NCAM1: variants seen among roughly 807,000 people sequenced by gnomAD.
NCAM1 encodes the protein antigen recognized by monoclonal antibody 5.1H11.
In NCAM1, 14 loss-of-function variants were observed where a neutral mutation model predicts 109.8. The observed-to-expected ratio is 0.13, with a 90% CI of 0.08 to 0.20. The LOEUF (loss-of-function observed/expected upper bound fraction) is 0.20, where lower values mean the gene tolerates loss of function less well. Ranked by LOEUF, NCAM1 falls within the 10% of genes least tolerant of loss-of-function variation. The pLI, the probability that NCAM1 is intolerant of heterozygous loss-of-function variation, is 1.00. For synonymous variants in NCAM1, 418 were observed against 442.9 expected (o/e 0.94, Z 0.70); for missense variants, 774 against 1,109.9 (o/e 0.70, Z 4.30).
chr11:112,983,949 A>G (rs554603829), intron 1 of NCAM1, among the ~76,000 whole-genome samples: 7 of 152,022 alleles, frequency 4.6e-5, no homozygotes, highest in African/African-American at 1.4e-4. Context: ...TTTCCATCAT[A>G]CAATACAACA....
At chr11:113,266,023 G>T (rs956467579) in intron 17 of NCAM1, among the ~76,000 whole-genome samples, 1 of 152,188 alleles carries the variant, frequency 6.6e-6, no homozygotes, top group Admixed American at 6.5e-5. Context: ...TGACCTCGAG[G>T]TTATGGGGAA....
rs1410280367 is a variant in NCAM1 at position 112,963,417 on chromosome 11, C to G, written c.52+1753C>G. 6.6e-6 allele frequency: 1 copy of G among 152,174 alleles called. No homozygotes were observed. The highest frequency in any genetic ancestry group is 1.9e-4 in the East Asian group (1 of 5,166). 9.4% of individuals were successfully genotyped at this position (152,174 alleles called of 1,614,324 possible). On this transcript the variant is annotated intron_variant, in intron 1 of 19. Coordinates refer to ENST00000316851, the MANE Select transcript of NCAM1 (RefSeq NM_181351.5). The surrounding 1 kb of genome is among the most constrained non-coding windows in gnomAD (Gnocchi z 4.6). ...CCGCGGAATCCGGGCCTGAGCGCGT[C>G]GCCGGGGAGGGCATCCTGGCAGGCA...
chr11:113,214,522 C>T lies in NCAM1; in HGVS notation c.1059+11C>T, dbSNP rs686050. ...AGCAGCGAAGAAAAGGTATCATGCT[C>T]CCCAGGAGTTTCAGGGCCTTGGAAT... is the stretch of plus-strand genomic sequence containing the variant. On this transcript the variant is annotated intron_variant, in intron 8 of 19. Coordinates refer to ENST00000316851, the MANE Select transcript of NCAM1 (RefSeq NM_181351.5). The T allele has an allele frequency of 1.9e-6, 3 of 1,593,136 alleles. 1 individual carries two copies. The highest frequency in any genetic ancestry group is 2.7e-5 in the African/African-American group (2 of 74,356).
intron 14 of NCAM1, among the ~76,000 whole-genome samples, chr11:113,238,266 T>C (rs1283367876): frequency 2.0e-5 from 3 of 152,124 alleles, no homozygotes; most frequent in Admixed American, 6.5e-5. Context: ...AAAGTTAAGG[T>C]CTGAAGAATC....
At chr11:113,165,293 A>G (rs1302491773) in intron 1 of NCAM1, among the ~76,000 whole-genome samples, 1 of 152,202 alleles carries the variant, frequency 6.6e-6, no homozygotes, top group East Asian at 1.9e-4. Flanking sequence ...AATTTGGAAA[A>G]GGCCAATCGC....
chr11:112,977,742 A>G (rs1413982704), intron 1 of NCAM1, among the ~76,000 whole-genome samples: 3 of 151,902 alleles, frequency 2.0e-5, no homozygotes, highest in African/African-American at 2.4e-5. Flanking sequence ...AACAGTGGAA[A>G]TAATTGTAGA....
At chr11:113,169,455 C>T (rs1170450583) in intron 1 of NCAM1, among the ~76,000 whole-genome samples, 1 of 152,162 alleles carries the variant, frequency 6.6e-6, no homozygotes, top group East Asian at 1.9e-4. Context: ...ATAGTTCAAG[C>T]TGTACCTCAC....
chr11:113,203,223 G>C (rs183960024), intron 2 of NCAM1, among the ~76,000 whole-genome samples: 1 of 152,220 alleles, frequency 6.6e-6, no homozygotes, highest in Admixed American at 6.5e-5. Flanking sequence ...TGGCAGGGAG[G>C]GGCCTTTAAA....
At chr11:113,266,107 A>G (rs1234004611) in intron 17 of NCAM1, among the ~76,000 whole-genome samples, 1 of 152,220 alleles carries the variant, frequency 6.6e-6, no homozygotes, top group Non-Finnish European at 1.5e-5. Context: ...AGGGAAGACC[A>G]TAGCAAAGAC....
At chr11:113,044,751 T>C (rs1029762865) in intron 1 of NCAM1, among the ~76,000 whole-genome samples, 1 of 151,824 alleles carries the variant, frequency 6.6e-6, no homozygotes, top group Admixed American at 6.5e-5. Context: ...TGAGCTTTTT[T>C]TACTTTTATT....
chr11:113,263,230 G>T, intron 17 of NCAM1: 1 of 1,070,874 alleles, frequency 9.3e-7, no homozygotes. Context: ...AGAAGTTTCT[G>T]CATATCTGCT....
intron 1 of NCAM1, among the ~76,000 whole-genome samples, chr11:113,164,046 T>G (rs767009040): frequency 2.6e-4 from 40 of 152,080 alleles, no homozygotes; most frequent in Non-Finnish European, 5.3e-4. Context: ...GCATCCTCCC[T>G]CCCCTTGTGC....
intron 1 of NCAM1, among the ~76,000 whole-genome samples, chr11:113,189,277 C>A (rs1228769233): frequency 6.6e-6 from 1 of 151,758 alleles, no homozygotes; most frequent in East Asian, 1.9e-4. Context: ...TGGTGAAACC[C>A]CGTCTGTACT....
intron 9 of NCAM1, among the ~76,000 whole-genome samples, chr11:113,224,877 C>G (rs1313820046): frequency 6.6e-6 from 1 of 152,238 alleles, no homozygotes; most frequent in Non-Finnish European, 1.5e-5. Flanking sequence ...AGGGTCCTGA[C>G]TGTTAGAAGG....
intron 1 of NCAM1, among the ~76,000 whole-genome samples, chr11:113,130,001 C>A (rs569748288): frequency 6.6e-6 from 1 of 152,122 alleles, no homozygotes; most frequent in East Asian, 1.9e-4. Context: ...GCACTTATGG[C>A]CCTCTGGATG....
intron 1 of NCAM1, among the ~76,000 whole-genome samples, chr11:113,061,497 C>T (rs1245096): frequency 0.83 from 126,558 of 152,152 alleles, 52,972 homozygotes; most frequent in African/African-American, 0.92. Context: ...TTAAGAGGAG[C>T]TTCTTTGTGG....
chr11:113,232,665 T>G (rs1555117526), intron 11 of NCAM1, 53 bp from the exon 12 acceptor site: 1 of 1,365,260 alleles, frequency 7.3e-7, no homozygotes. Context: ...AAGATCTGAG[T>G]CTGTGACCAT....
intron 1 of NCAM1, among the ~76,000 whole-genome samples, chr11:113,105,727 A>T (rs1940126076): frequency 2.0e-5 from 3 of 152,230 alleles, no homozygotes; most frequent in Non-Finnish European, 4.4e-5. Context: ...CTCTACAGAC[A>T]AGAAGTAATA....
At chr11:112,987,376 G>C (rs1688048552) in intron 1 of NCAM1, among the ~76,000 whole-genome samples, 1 of 152,108 alleles carries the variant, frequency 6.6e-6, no homozygotes, top group Non-Finnish European at 1.5e-5. Context: ...TGCTGCCGTT[G>C]AATGGAATGT....
Sources: gnomAD v4.1 joint callset for allele counts (sites outside exome capture counted in the v4.1 genomes callset) on GRCh38, gnomAD v4.1.1 for gene constraint, Gnocchi (gnomAD v3.1) non-coding constraint, MANE v1.5 for transcripts, NCBI Gene and HGNC (gene_info 2026-07-23, HGNC 2026-07-21) for gene names.